MTAP: variants seen among roughly 807,000 people sequenced by gnomAD.
MTAP encodes the protein S-methyl-5'-thioadenosine phosphorylase.
In MTAP, 33 loss-of-function variants were observed where a neutral mutation model predicts 33.6. The observed-to-expected ratio is 0.98, with a 90% CI of 0.74 to 1.31. The LOEUF (loss-of-function observed/expected upper bound fraction) is 1.31, where lower values mean the gene tolerates loss of function less well. Among genes scored for constraint, MTAP ranks in the 40% most tolerant of loss-of-function variants. The pLI is 0.00. For missense variants in MTAP, 367 were observed against 360.0 expected (o/e 1.02, Z -0.16); for synonymous variants, 148 against 125.7 (o/e 1.18, Z -1.19).
intron 5 of MTAP, among the ~76,000 whole-genome samples, chr9:21,849,960 C>T (rs1825472724): frequency 6.6e-6 from 1 of 152,246 alleles, no homozygotes; most frequent in Admixed American, 6.5e-5. Flanking sequence ...AGCAATTTGC[C>T]TTCAGCTGGC....
intron 7 of MTAP, chr9:21,861,741 T>C (rs1825757290): frequency 3.6e-6 from 2 of 556,204 alleles, no homozygotes; most frequent in South Asian, 2.2e-5. Context: ...TGCTCTGAGA[T>C]AAGCATTATT....
At chr9:21,820,638 A>C (rs986859912) in intron 4 of MTAP, among the ~76,000 whole-genome samples, 5 of 152,148 alleles carry the variant, frequency 3.3e-5, no homozygotes, top group Non-Finnish European at 5.9e-5. Flanking sequence ...TTCCATATGA[A>C]CTTTAAAGTA....
In MTAP at chr9:21,912,227, T is replaced by G. The variant is rs367586290; in HGVS notation, c.148-18781T>G. ...TACAAAGAGGAGCTGGTACCATTCC[T>G]TCTGAAACTATTCCAATCAACAGAA... is the stretch of plus-strand genomic sequence containing the variant. On this transcript the variant is annotated intron_variant, in intron 1 of 1. Coordinates refer to the MTAP transcript ENST00000577563. Among the ~76,000 whole-genome samples, 4 of 152,330 alleles carry G rather than the reference T, an allele frequency of 2.6e-5. No individual in the cohort carries two copies. The South Asian group carries it at 8.3e-4, about 32-fold the overall frequency.
chr9:21,867,904 G>A (rs1172297806), downstream of MTAP, among the ~76,000 whole-genome samples: 1 of 152,064 alleles, frequency 6.6e-6, no homozygotes, highest in Non-Finnish European at 1.5e-5. Context: ...ATAAACTAAG[G>A]TACATCAATT....
intron 4 of MTAP, among the ~76,000 whole-genome samples, chr9:21,826,864 A>C (rs1018289791): frequency 6.6e-6 from 1 of 151,920 alleles, no homozygotes; most frequent in Non-Finnish European, 1.5e-5. Context: ...GAGCATTACC[A>C]CCTGAGCTCC....
intron 1 of MTAP, among the ~76,000 whole-genome samples, chr9:21,875,077 T>C (rs1825986421): frequency 6.6e-6 from 1 of 152,182 alleles, no homozygotes; most frequent in Non-Finnish European, 1.5e-5. Context: ...CAGTCTGTCA[T>C]TGGATGGGCA....
chr9:21,863,379 G>A lies in MTAP; in HGVS notation c.*1365G>A, dbSNP rs947252904. ...TCCCAGCACTGTGGGAGGCCGAGAC[G>A]GGTGGATCACAAGGTCAGGAGATCG... On this transcript the variant is annotated 3_prime_UTR_variant, in exon 8 of 8. Transcript: ENST00000644715. The A allele has an allele frequency of 2.3e-6, 2 of 876,414 alleles. No individual in the cohort carries two copies. Among genetic ancestry groups the A allele is most frequent in the African/African-American group, 1.8e-5 (1 of 55,014 alleles). The allele number at this position is 876,414 out of a possible 1,614,324, so 54.3% of individuals were successfully genotyped here.
chr9:21,829,250 C>A (rs2118214693), intron 4 of MTAP, among the ~76,000 whole-genome samples: 1 of 152,266 alleles, frequency 6.6e-6, no homozygotes, highest in South Asian at 2.1e-4. Context: ...TGTAAAGCCA[C>A]CCCGTGGATT....
At chr9:21,811,440 GA>G (rs1408015000) in intron 1 of MTAP, among the ~76,000 whole-genome samples, 1 of 151,700 alleles carries the variant, frequency 6.6e-6, no homozygotes, top group Non-Finnish European at 1.5e-5. Context: ...ATTTGCTCTT[GA>G]ACAAAAAAAT....
Position 21,863,776 on chromosome 9 carries a change from G to T in MTAP, c.*1762G>T. ...ACCTTTTATTTAAAGAGTTTGTAAA[G>T]TCAATGTGTTTGTTTGTGTCTCTGA... On this transcript the variant is annotated 3_prime_UTR_variant, in exon 8 of 8. Coordinates refer to ENST00000644715, the MANE Select transcript of MTAP (RefSeq NM_002451.4). The T allele has an allele frequency of 1.0e-6, 1 of 985,848 alleles. No individual in the cohort carries two copies. The highest frequency in any genetic ancestry group is 1.2e-6 in the Non-Finnish European group (1 of 829,934). 61.1% of individuals were successfully genotyped at this position (985,848 alleles called of 1,614,324 possible).
intron 1 of MTAP, among the ~76,000 whole-genome samples, chr9:21,898,082 T>A (rs1818327452): frequency 6.6e-6 from 1 of 152,044 alleles, no homozygotes; most frequent in African/African-American, 2.4e-5. Flanking sequence ...ATACCACACA[T>A]CTACAACCAT....
intron 1 of MTAP, among the ~76,000 whole-genome samples, chr9:21,928,427 C>G (rs1470236756): frequency 6.6e-6 from 1 of 152,168 alleles, no homozygotes; most frequent in Non-Finnish European, 1.5e-5. Flanking sequence ...AGATGGACTT[C>G]ACTCAGCTAC....
intron 1 of MTAP, among the ~76,000 whole-genome samples, chr9:21,882,065 G>T (rs200209484): frequency 6.6e-6 from 1 of 151,840 alleles, no homozygotes; most frequent in Non-Finnish European, 1.5e-5. Flanking sequence ...CCTTCATTTA[G>T]CAACAGGTAT....
chr9:21,931,312 G>A (rs1342077249), downstream of MTAP: 35 of 574,106 alleles, frequency 6.1e-5, no homozygotes, highest in Admixed American at 3.3e-4. Context: ...GGATTTTTGC[G>A]GGGGAAAATG....
At position 21,922,261 on chromosome 9, in the gene MTAP, G is replaced by C. The variant is rs1563872021; in HGVS notation, c.148-8747G>C. Among the ~76,000 whole-genome samples the C allele has an allele frequency of 6.6e-6, 1 of 151,866 alleles. No homozygotes were observed. The highest frequency in any genetic ancestry group is 1.5e-5 in the Non-Finnish European group (1 of 68,012). On this transcript the variant is annotated intron_variant, in intron 1 of 1. Transcript: ENST00000577563. This position sits in a 1 kb window ranked among gnomAD's most constrained non-coding sequence, Gnocchi z 4.8. Reference sequence around the variant, plus strand: ...ACACTGTGCATGTGGCCGCTCACAAGTGCTGGCAGGCCACTGTGCATGTGG... The same window carrying C: ...ACACTGTGCATGTGGCCGCTCACAACTGCTGGCAGGCCACTGTGCATGTGG...
chr9:21,802,678 C>G lies in MTAP; in HGVS notation c.-71C>G, dbSNP rs535739922. 1.5e-5 allele frequency: 24 copies of G among 1,586,070 alleles called. No homozygotes were observed. In the African/African-American group the frequency reaches 1.6e-4, roughly 11 times the overall value. ...CCGCGCAGTGAGGTTGGCACAGCCA[C>G]CGCTCTGTGGCTCGCTTGGTTCCCT... On this transcript the variant is annotated 5_prime_UTR_variant, in exon 1 of 8. Coordinates refer to ENST00000644715, the MANE Select transcript of MTAP (RefSeq NM_002451.4).
intron 1 of MTAP, among the ~76,000 whole-genome samples, chr9:21,890,512 C>T (rs1036186891): frequency 2.6e-5 from 4 of 152,104 alleles, no homozygotes; most frequent in African/African-American, 7.2e-5. Flanking sequence ...TTCAACTGGA[C>T]GTTTTCTTCT....
intron 1 of MTAP, among the ~76,000 whole-genome samples, chr9:21,911,951 C>T (rs563729833): frequency 2.8e-4 from 43 of 152,290 alleles, no homozygotes; most frequent in Middle Eastern, 3.4e-3. Context: ...AAGGGAGTAT[C>T]AAGACCGATC....
chr9:21,811,617 C>A, intron 1 of MTAP: 2 of 498,740 alleles, frequency 4.0e-6, no homozygotes, highest in South Asian at 3.0e-5. Flanking sequence ...ACAGAAGGCT[C>A]TAGGCCACCT....
Sources: allele counts gnomAD v4.1 joint callset (sites outside exome capture counted in the v4.1 genomes callset), GRCh38; gene constraint gnomAD v4.1.1; non-coding constraint Gnocchi (gnomAD v3.1); transcripts MANE v1.5; gene names NCBI Gene and HGNC (gene_info 2026-07-23, HGNC 2026-07-21).